Variants in ATAD2B observed in about 807,000 individuals in gnomAD.
ATAD2B encodes ATPase family AAA domain-containing protein 2B.
ATAD2B carries 40 observed loss-of-function variants against 167.6 expected under a neutral mutation model. The observed-to-expected ratio is 0.24, with a 90% CI of 0.19 to 0.31. The LOEUF is 0.31. ATAD2B is among the 10% of genes least tolerant of loss of function. ATAD2B has a pLI of 1.00. For synonymous variants in ATAD2B, 579 were observed against 596.5 expected, an observed-to-expected ratio of 0.97 and a Z score of 0.43; for missense variants, 1,242 against 1,757.2, an observed-to-expected ratio of 0.71 and a Z score of 5.24.
chr2:23,836,361 C>A lies in ATAD2B; in HGVS notation c.1569-2283G>T. Among the ~76,000 whole-genome samples the A allele has an allele frequency of 1.3e-5, 2 of 152,186 alleles. 1 individual carries two copies. The highest frequency in any genetic ancestry group is 4.1e-4 in the South Asian group (2 of 4,830). ...GGAAGCTTGGAGACTCCAGGAACTG[C>A]AGGGCTCCAAAGTCACAGCCCTGGC... On this transcript the variant is annotated intron_variant, in intron 13 of 27. Transcript: ENST00000238789.
chr2:23,706,116 T>C, the ATAD2B span, among the ~76,000 whole-genome samples: 1 of 152,164 alleles, frequency 6.6e-6, no homozygotes, highest in Non-Finnish European at 1.5e-5. Context: ...TGTTCCCAAT[T>C]TGATTTGAGC....
At position 23,757,809 on chromosome 2, in the gene ATAD2B, C is replaced by A; in HGVS notation, c.3687G>T (p.Glu1229Asp). The A allele has an allele frequency of 6.4e-7, 1 of 1,569,260 alleles. No individual in the cohort carries two copies. The highest frequency in any genetic ancestry group is 1.4e-5 in the African/African-American group (1 of 72,850). ...QRLNNGAGTK[E>D]NFASTEEESS... is the part of the protein sequence containing the mutation. Reference sequence around the variant, plus strand: ...TTTCCTCCTCAGTAGATGCAAAGTTCTCTTTTGTGCCTGCTCCATTGTTAA... The same window carrying A: ...TTTCCTCCTCAGTAGATGCAAAGTTATCTTTTGTGCCTGCTCCATTGTTAA... Residue 1229 changes from glutamate (E) to aspartate (D), a missense_variant, in exon 25 of 28, where the codon GAG becomes GAT. Around this residue, in one of 9 missense-constraint regions of ATAD2B, gnomAD observed 282 missense variants for 346.8 expected, o/e 0.81. Transcript: ENST00000238789.
At chr2:23,811,439 C>T (rs1321877600) in intron 17 of ATAD2B, 1 of 152,378 alleles carries the variant, frequency 6.6e-6, no homozygotes, top group African/African-American at 2.4e-5. Flanking sequence ...CAAGCCCCCA[C>T]CAGACACCAA....
intron 2 of ATAD2B, among the ~76,000 whole-genome samples, chr2:23,889,893 C>G (rs1374367120): frequency 4.1e-5 from 6 of 147,312 alleles, no homozygotes; most frequent in Admixed American, 2.0e-4. Context: ...CACTCCAGCC[C>G]AGGTGACAGA....
chr2:23,891,587 C>T (rs1038407576), intron 2 of ATAD2B, among the ~76,000 whole-genome samples: 4 of 151,974 alleles, frequency 2.6e-5, no homozygotes, highest in Non-Finnish European at 4.4e-5. Context: ...CCTCCGCCTC[C>T]TGGATTCAAG....
chr2:23,732,571 T>C, the ATAD2B span, among the ~76,000 whole-genome samples: 1 of 152,210 alleles, frequency 6.6e-6, no homozygotes, highest in Non-Finnish European at 1.5e-5. Flanking sequence ...TTTCCATGTA[T>C]GCGTTATATT....
intron 26 of ATAD2B, 111 bp downstream of exon 26, chr2:23,754,536 C>T: frequency 7.4e-7 from 1 of 1,351,778 alleles, no homozygotes; most frequent in Non-Finnish European, 1.0e-6. Context: ...AGCTCTGAGG[C>T]ATTTATATTT....
chr2:23,796,662 T>C (rs1682674612), intron 19 of ATAD2B, among the ~76,000 whole-genome samples: 1 of 152,188 alleles, frequency 6.6e-6, no homozygotes. Flanking sequence ...ATAAAGAGGA[T>C]CTAACTTGTA....
At chr2:23,731,949 T>C in the ATAD2B span, among the ~76,000 whole-genome samples, 1 of 150,966 alleles carries the variant, frequency 6.6e-6, no homozygotes, top group Non-Finnish European at 1.5e-5. Context: ...TACACTCCAG[T>C]CTGGGTGACA....
At chr2:23,693,385 G>T in the ATAD2B span, 1 of 1,551,734 alleles carries the variant, frequency 6.4e-7, no homozygotes, top group Non-Finnish European at 8.7e-7. Flanking sequence ...CCCCGAGGTG[G>T]CCGCCCAGGA....
At chr2:23,811,030 CAAA>C (rs1685499370) in intron 17 of ATAD2B, among the ~76,000 whole-genome samples, 1 of 116,240 alleles carries the variant, frequency 8.6e-6, no homozygotes, top group East Asian at 2.2e-4. Flanking sequence ...AACAAACAAA[CAAA>C]CAAACAAACA....
chr2:23,757,773 T>C lies in ATAD2B; in HGVS notation c.3723A>G (p.Glu1241=). 1.3e-6 allele frequency: 2 copies of C among 1,586,024 alleles called. No homozygotes were observed. The highest frequency in any genetic ancestry group is 1.7e-6 in the Non-Finnish European group (2 of 1,170,150). Residue 1241 remains glutamate (E), a synonymous_variant, in exon 25 of 28, where the codon GAA becomes GAG. Coordinates refer to ENST00000238789, the MANE Select transcript of ATAD2B (RefSeq NM_017552.4). ...FASTEEESSN[E]SLLVNSSSSL... is the part of the protein sequence containing the mutation. ...AACTGCTGCTGTTGACCAGTAGAGA[T>C]TCATTTGAACTTTCCTCCTCAGTAG...
the ATAD2B span, among the ~76,000 whole-genome samples, chr2:23,679,814 AGAGGCCCAG>A: frequency 2.6e-5 from 4 of 152,194 alleles, no homozygotes; most frequent in Admixed American, 1.3e-4. Context: ...AAGGAGGCAA[AGAGGCCCAG>A]GACAAAATAA....
intron 16 of ATAD2B, among the ~76,000 whole-genome samples, chr2:23,821,079 G>A (rs149868071): frequency 6.6e-6 from 1 of 152,170 alleles, no homozygotes; most frequent in East Asian, 1.9e-4. Flanking sequence ...GTCAAAACAA[G>A]CCAGAATAAA....
chr2:23,842,430 T>G (rs1193169543), intron 13 of ATAD2B, among the ~76,000 whole-genome samples: 1 of 152,138 alleles, frequency 6.6e-6, no homozygotes, highest in Non-Finnish European at 1.5e-5. Flanking sequence ...TACCTGACAT[T>G]TCTGGTGAGT....
chr2:23,725,042 C>CAAA, the ATAD2B span, among the ~76,000 whole-genome samples: 140 of 71,686 alleles, frequency 2.0e-3, 2 homozygotes, highest in Non-Finnish European at 2.7e-3. Flanking sequence ...GACTCTGTCT[C>CAAA]AAAAAAAAAA....
the ATAD2B span, among the ~76,000 whole-genome samples, chr2:23,709,192 C>T: frequency 6.6e-6 from 1 of 152,134 alleles, no homozygotes; most frequent in Non-Finnish European, 1.5e-5. Context: ...CAAGCCTATG[C>T]CACCACACCC....
the ATAD2B span, among the ~76,000 whole-genome samples, chr2:23,710,150 GAACA>G: frequency 0.099 from 15,072 of 152,048 alleles, 833 homozygotes; most frequent in Middle Eastern, 0.16. Context: ...AATAAGAAGA[GAACA>G]GTCAGGAAAA....
At chr2:23,872,916 C>T (rs1411410852) in intron 8 of ATAD2B, 13 of 770,948 alleles carry the variant, frequency 1.7e-5, no homozygotes, top group Non-Finnish European at 2.9e-5. Context: ...CCTTATGGCC[C>T]GCCGGGCTCA....
Sources: allele counts gnomAD v4.1 joint callset (sites outside exome capture counted in the v4.1 genomes callset), GRCh38; gene constraint gnomAD v4.1.1; regional missense constraint gnomAD v4.1.1; transcripts MANE v1.5; gene names NCBI Gene and HGNC (gene_info 2026-07-23, HGNC 2026-07-21).